Variants in CRYBG2 observed in about 807,000 individuals in gnomAD.
CRYBG2 encodes beta/gamma crystallin domain-containing protein 2.
In CRYBG2, 106 loss-of-function variants were observed where a neutral mutation model predicts 153.4. The ratio of observed to expected loss-of-function variants is 0.69; its 90% confidence interval spans 0.59 to 0.81. The LOEUF is 0.81. CRYBG2 is among the 30% of genes least tolerant of loss of function. The pLI is 0.00. For missense variants in CRYBG2, 1,996 were observed against 2,112.0 expected, an observed-to-expected ratio of 0.95 and a Z score of 1.08; for synonymous variants, 851 against 877.8, an observed-to-expected ratio of 0.97 and a Z score of 0.54.
chr1:26,350,849 CT>C (rs2074278768), intron 1 of CRYBG2, among the ~76,000 whole-genome samples: 1 of 152,110 alleles, frequency 6.6e-6, no homozygotes, highest in Non-Finnish European at 1.5e-5. Context: ...AGACCTGACT[CT>C]GGGCAGGAAA....
chr1:26,342,605 G>A (rs2074143982), intron 5 of CRYBG2, 149 bp downstream of exon 5: 1 of 1,160,624 alleles, frequency 8.6e-7, no homozygotes, highest in Non-Finnish European at 1.2e-6. Context: ...TCACATGTTG[G>A]CCAGGCTGGT....
At chr1:26,331,073 C>A (rs1391670321) in intron 15 of CRYBG2, among the ~76,000 whole-genome samples, 4 of 152,230 alleles carry the variant, frequency 2.6e-5, no homozygotes, top group Admixed American at 2.6e-4. Context: ...TGGTCTGTGG[C>A]TGGCAGGGCC....
chr1:26,341,272 C>T (rs1170957017), intron 5 of CRYBG2, among the ~76,000 whole-genome samples: 8 of 151,212 alleles, frequency 5.3e-5, no homozygotes, highest in Non-Finnish European at 1.0e-4. Context: ...ACCCAGGAGG[C>T]GGAGGCTGCT....
intron 6 of CRYBG2, among the ~76,000 whole-genome samples, chr1:26,338,728 CTGTTAG>C (rs1169654486): frequency 7.9e-5 from 12 of 152,166 alleles, no homozygotes; most frequent in African/African-American, 2.2e-4. Flanking sequence ...CAGTAGTTCC[CTGTTAG>C]CCTCACAATA....
At chr1:26,339,671 G>A (rs377149353) in intron 5 of CRYBG2, among the ~76,000 whole-genome samples, 6 of 152,194 alleles carry the variant, frequency 3.9e-5, no homozygotes, top group African/African-American at 1.4e-4. Context: ...GGGAGGCAGA[G>A]GTTGCGGTGA....
chr1:26,339,426 A>G lies in CRYBG2; in HGVS notation c.3208T>C (p.Tyr1070His). The change falls in exon 6 of 20, where the codon TAC becomes CAC. Residue 1070 changes from tyrosine (Y) to histidine (H), a missense_variant. Physicochemically the swap from Tyr to His is moderately conservative, Grantham distance 83 (BLOSUM62 2). Coordinates refer to ENST00000308182, the MANE Select transcript of CRYBG2 (RefSeq NM_001039775.4). ...IGSLRRVVWD[Y>H]STPEISLFSE... ...AAGAGGCTGATTTCCGGGGTGCTGT[A>G]GTCCTGTGGAAGGAGGGGGAAAATT... 1 of 1,613,916 alleles carries G rather than the reference A, an allele frequency of 6.2e-7. No homozygotes were observed.
Position 26,345,470 on chromosome 1 carries a change from G to C in CRYBG2, c.1188C>G (p.Pro396=). The change falls in exon 2 of 20, where the codon CCC becomes CCG. Residue 396 remains proline, a synonymous_variant. Transcript: ENST00000308182. The part of the protein sequence containing the change: ...LVLPPKKKDG[P]VDPPAATVLP... ...GGACGGTGGCAGCAGGGGGGTCCAC[G>C]GGCCCGTCCTTTTTTTTAGGGGGCA... 6.3e-7 allele frequency: 1 copy of C among 1,593,136 alleles called. No homozygotes were observed. Among genetic ancestry groups the C allele is most frequent in the South Asian group, 1.1e-5 (1 of 88,174 alleles).
In CRYBG2 at chr1:26,324,364, C is replaced by A. The variant is rs375367216; in HGVS notation, c.4579-54G>T. 1.3e-5 allele frequency: 20 copies of A among 1,519,596 alleles called. No individual in the cohort carries two copies. In the East Asian group the frequency reaches 1.7e-4, roughly 13 times the overall value. The allele number at this position is 1,519,596 out of a possible 1,614,324, so 94.1% of individuals were successfully genotyped here. A position where few individuals can be genotyped will look rare whatever the true frequency, so the allele number is the denominator to read the frequency against. On this transcript the variant is annotated intron_variant, in intron 17 of 19. Transcript: ENST00000308182. The stretch of plus-strand genomic sequence containing the variant: ...GGGTGCCGGGGAGGGATGACCTGGG[C>A]CCCCAGTACCCTCAACTCTGGACTC...
chr1:26,346,413 C>G lies in CRYBG2; in HGVS notation c.245G>C (p.Arg82Pro), dbSNP rs769902161. The change falls in exon 2 of 20, where the codon CGG (arginine) becomes CCG (proline). Residue 82 changes from arginine to proline, a missense_variant. Arg to Pro is a moderately radical substitution (Grantham distance 103). Coordinates refer to ENST00000308182, the MANE Select transcript of CRYBG2 (RefSeq NM_001039775.4). This position sits in a 1 kb window ranked among gnomAD's most constrained non-coding sequence, Gnocchi z 4.9. Reference sequence around the variant, plus strand: ...GAAGTTCTTGGAGCCAGCTGTATCCCGAGGGCCCTGGCAATTCACAGTCTC... The same window carrying G: ...GAAGTTCTTGGAGCCAGCTGTATCCGGAGGGCCCTGGCAATTCACAGTCTC... ...EEETVNCQGPRDTAGSKNFQS... is the reference protein window; with the variant it reads ...EEETVNCQGPPDTAGSKNFQS... 1 of 1,600,264 alleles carries G rather than the reference C, an allele frequency of 6.2e-7. No individual in the cohort carries two copies. Among genetic ancestry groups the G allele is most frequent in the Non-Finnish European group, 8.5e-7 (1 of 1,179,636 alleles).
chr1:26,344,536 G>T lies in CRYBG2; in HGVS notation c.2122C>A (p.Pro708Thr). 6.5e-7 allele frequency: 1 copy of T among 1,546,156 alleles called. No homozygotes were observed. The change falls in exon 2 of 20, where the codon CCA (proline) becomes ACA (threonine). Residue 708 changes from proline (P) to threonine (T), a missense_variant. Transcript: ENST00000308182. The part of the protein sequence containing the change: ...VVQDPDALPA[P>T]SSSVDRVSPS... ...GACACCCTGTCCACTGAGGAAGATG[G>T]GGCAGGGAGAGCATCAGGGTCCTGC...
rs1415149229 is a variant in CRYBG2, at chr1:26,344,030, C to T, written c.2628G>A (p.Met876Ile). 1 of 1,536,180 alleles carries T rather than the reference C, an allele frequency of 6.5e-7. No homozygotes were observed. Among genetic ancestry groups the T allele is most frequent in the South Asian group, 1.2e-5 (1 of 84,064 alleles). The stretch of plus-strand genomic sequence containing the variant: ...CCTTGGTTCCTGCTACATGCTTCTT[C>T]ATCATCTCCAGAGGAGAGCAGGAGA... ...TQVSCSPLEMMKKHVAGTKGP... is the reference protein window; with the variant it reads ...TQVSCSPLEMIKKHVAGTKGP... Residue 876 changes from methionine to isoleucine, a missense_variant, in exon 2 of 20, where the codon ATG becomes ATA. Met to Ile is a conservative substitution (Grantham distance 10, BLOSUM62 1). Transcript: ENST00000308182.
At chr1:26,335,321 A>G (rs2074041841) in intron 14 of CRYBG2, among the ~76,000 whole-genome samples, 1 of 151,910 alleles carries the variant, frequency 6.6e-6, no homozygotes, top group South Asian at 2.1e-4. Flanking sequence ...TACTAAAAAT[A>G]CAAAATTAGC....
At chr1:26,339,450 T>G (rs1371044221) in intron 5 of CRYBG2, 21 bp from the exon 6 acceptor site, 2 of 1,612,474 alleles carry the variant, frequency 1.2e-6, no homozygotes, top group African/African-American at 1.3e-5. Context: ...AGGGGGAAAA[T>G]TAAATATAGA....
chr1:26,345,721 G>A lies in CRYBG2; in HGVS notation c.937C>T (p.Pro313Ser), dbSNP rs761415807. 1 of 1,597,456 alleles carries A rather than the reference G, an allele frequency of 6.3e-7. No individual in the cohort carries two copies. Residue 313 changes from proline to serine, a missense_variant, in exon 2 of 20, where the codon CCG becomes TCG. Transcript: ENST00000308182. ...PKNQDAPAAC[P>S]DRDQGRAPDA... ...GGGGCTCTGCCCTGGTCTCTGTCCG[G>A]ACAGGCTGCAGGGGCATCCTGATTC...
In CRYBG2 at chr1:26,343,751, C is replaced by T; in HGVS notation, c.2907G>A (p.Glu969=). 6.9e-7 allele frequency: 1 copy of T among 1,447,012 alleles called. No homozygotes were observed. The highest frequency in any genetic ancestry group is 9.1e-7 in the Non-Finnish European group (1 of 1,097,604). 89.6% of individuals were successfully genotyped at this position (1,447,012 alleles called of 1,614,324 possible). A position where few individuals can be genotyped will look rare whatever the true frequency, so the allele number is the denominator to read the frequency against. The change falls in exon 2 of 20, where the codon GAG becomes GAA. Residue 969 remains glutamate (E), a synonymous_variant. Coordinates refer to ENST00000308182, the MANE Select transcript of CRYBG2 (RefSeq NM_001039775.4). The surrounding 1 kb of genome is among the most constrained non-coding windows in gnomAD (Gnocchi z 4.1). The part of the protein sequence containing the change: ...TEKLACSLPL[E]GWSPALKTQG... ...CACCCGAGGCCTCACTTACCCACCC[C>T]TCCAGGGGCAGGGAACAGGCAAGCT...
At chr1:26,339,195 C>T (rs2074097793) in intron 6 of CRYBG2, 95 bp downstream of exon 6, 3 of 1,493,558 alleles carry the variant, frequency 2.0e-6, no homozygotes, top group East Asian at 2.3e-5. Context: ...ACTGAGCACT[C>T]CTGAAGGCAG....
chr1:26,323,483 A>T (rs2073884779), intron 18 of CRYBG2, among the ~76,000 whole-genome samples: 1 of 152,080 alleles, frequency 6.6e-6, no homozygotes, highest in Admixed American at 6.6e-5. Context: ...ATCTCTCCCC[A>T]CTAGGATGTA....
At chr1:26,338,147 G>T in intron 7 of CRYBG2, 100 bp from the exon 8 acceptor site, 1 of 1,491,890 alleles carries the variant, frequency 6.7e-7, no homozygotes, top group Non-Finnish European at 9.1e-7. Context: ...CCAACCCCAT[G>T]TCTTCCCTTT....
chr1:26,326,857 T>G (rs972754128), intron 17 of CRYBG2: 14 of 507,848 alleles, frequency 2.8e-5, no homozygotes, highest in Non-Finnish European at 5.5e-5. Flanking sequence ...AAGGGGTTCA[T>G]GTTGTGAGGT....
Sources: gnomAD v4.1 joint callset for allele counts (sites outside exome capture counted in the v4.1 genomes callset) on GRCh38, gnomAD v4.1.1 for gene constraint, Gnocchi (gnomAD v3.1) non-coding constraint, MANE v1.5 for transcripts, NCBI Gene and HGNC (gene_info 2026-07-23, HGNC 2026-07-21) for gene names.